Variants in MTMR3 observed in about 807,000 individuals in gnomAD.
MTMR3 encodes the protein phosphatidylinositol-3,5-bisphosphate 3-phosphatase MTMR3.
Under a neutral mutation model 132.4 loss-of-function variants are expected in MTMR3, and 32 were observed. The observed-to-expected ratio is 0.24, with a 90% confidence interval of 0.18 to 0.32. MTMR3 has a LOEUF of 0.32. Ranked by LOEUF, MTMR3 falls within the 10% of genes least tolerant of loss-of-function variation. The pLI is 1.00. For missense variants in MTMR3, 1,216 were observed against 1,489.6 expected (o/e 0.82, Z 3.02); for synonymous variants, 556 against 550.3 (o/e 1.01, Z -0.14).
At chr22:29,969,866 C>CAAATG (rs1419365205) in intron 2 of MTMR3, among the ~76,000 whole-genome samples, 1 of 152,170 alleles carries the variant, frequency 6.6e-6, no homozygotes, top group Non-Finnish European at 1.5e-5. Context: ...TCCTACCATT[C>CAAATG]CTCTGCTCAA....
chr22:29,908,232 G>A (rs1367971939), intron 1 of MTMR3, among the ~76,000 whole-genome samples: 1 of 152,180 alleles, frequency 6.6e-6, no homozygotes, highest in Admixed American at 6.5e-5. Flanking sequence ...GTGACTGAGG[G>A]TAACTCAAGA....
intron 8 of MTMR3, chr22:30,001,584 T>C (rs1324996877): frequency 6.6e-6 from 1 of 152,112 alleles, no homozygotes; most frequent in African/African-American, 2.4e-5. Context: ...AACCAGTCTT[T>C]AGGATGTTAT....
intron 1 of MTMR3, among the ~76,000 whole-genome samples, chr22:29,889,500 T>G (rs2064749986): frequency 6.6e-6 from 1 of 151,974 alleles, no homozygotes; most frequent in Admixed American, 6.6e-5. Flanking sequence ...TTGGCCAGGC[T>G]GGTTTCGAAC....
intron 1 of MTMR3, among the ~76,000 whole-genome samples, chr22:29,893,926 A>G (rs939276781): frequency 6.6e-6 from 1 of 151,874 alleles, no homozygotes; most frequent in Non-Finnish European, 1.5e-5. Context: ...GCTCACTGCA[A>G]CCTCCACCTC....
rs2067599591 is a variant in MTMR3, at chr22:30,016,682, C to T, written c.1658C>T (p.Ser553Phe). 6.2e-7 allele frequency: 1 copy of T among 1,613,414 alleles called. No homozygotes were observed. Among genetic ancestry groups the T allele is most frequent in the Non-Finnish European group, 8.5e-7 (1 of 1,179,590 alleles). ...GNKAFKNLLYSSQSEAVLYPV... is the reference protein window; with the variant it reads ...GNKAFKNLLYFSQSEAVLYPV... ...AAGGCTTTCAAAAACCTACTGTATT[C>T]CTCTCAGTCAGAAGCCGTATGTATC... Residue 553 changes from serine (S) to phenylalanine (F), a missense_variant, in exon 15 of 20, where the codon TCC (serine) becomes TTC (phenylalanine). Physicochemically the swap from Ser to Phe is radical, Grantham distance 155 (BLOSUM62 -2). This residue lies in a region of MTMR3 where 852 missense variants were observed against 852.0 expected (regional missense o/e 1.00). Coordinates refer to ENST00000401950, the MANE Select transcript of MTMR3 (RefSeq NM_021090.4).
intron 2 of MTMR3, among the ~76,000 whole-genome samples, chr22:29,967,251 A>T (rs1602587029): frequency 8.1e-6 from 1 of 123,374 alleles, no homozygotes; most frequent in Non-Finnish European, 1.7e-5. Flanking sequence ...GCGCGCGCGC[A>T]TGTTTTTTAG....
At chr22:29,932,793 T>C (rs1436897414) in intron 1 of MTMR3, among the ~76,000 whole-genome samples, 1 of 152,184 alleles carries the variant, frequency 6.6e-6, no homozygotes, top group African/African-American at 2.4e-5. Context: ...ATAATAGTTA[T>C]AGAAATAATA....
intron 1 of MTMR3, among the ~76,000 whole-genome samples, chr22:29,954,754 T>G (rs1055949268): frequency 6.6e-6 from 1 of 152,358 alleles, no homozygotes; most frequent in East Asian, 1.9e-4. Flanking sequence ...CAATTCATTC[T>G]TGCCCTTCGA....
chr22:29,949,116 CACACACACACACACACACACA>C (rs2066007622), intron 1 of MTMR3, among the ~76,000 whole-genome samples: 1 of 31,012 alleles, frequency 3.2e-5, no homozygotes, highest in African/African-American at 1.8e-4. Flanking sequence ...CACACACACA[CACACACACACACACACACACA>C]CACACACCCC....
intron 13 of MTMR3, 53 bp downstream of exon 13, chr22:30,012,616 G>C: frequency 6.7e-7 from 1 of 1,499,144 alleles, no homozygotes. Context: ...CCAGGGAAAC[G>C]TCTCAGGAGT....
chr22:29,946,261 T>G (rs1337628310), intron 1 of MTMR3, among the ~76,000 whole-genome samples: 1 of 152,038 alleles, frequency 6.6e-6, no homozygotes, highest in Non-Finnish European at 1.5e-5. Flanking sequence ...ATTAAGGAGC[T>G]GTGGTGGGGA....
At chr22:29,995,811 G>A (rs2067049370) in intron 7 of MTMR3, 2 of 152,154 alleles carry the variant, frequency 1.3e-5, no homozygotes, top group African/African-American at 4.8e-5. Flanking sequence ...CTAAGTAAAC[G>A]TGAGTGAACA....
At chr22:29,982,273 T>G (rs1020381825) in intron 5 of MTMR3, 1 of 80,352 alleles carries the variant, frequency 1.2e-5, no homozygotes, top group Non-Finnish European at 2.6e-5. Flanking sequence ...AACTCCTCCA[T>G]AAAAATAAAT....
intron 1 of MTMR3, among the ~76,000 whole-genome samples, chr22:29,900,996 GCT>G (rs1375651892): frequency 6.6e-6 from 1 of 152,100 alleles, no homozygotes; most frequent in African/African-American, 2.4e-5. Flanking sequence ...CTAAGCCTGT[GCT>G]CTTTTTTTGT....
chr22:29,896,496 T>G (rs2064899276), intron 1 of MTMR3, among the ~76,000 whole-genome samples: 1 of 152,138 alleles, frequency 6.6e-6, no homozygotes, highest in Non-Finnish European at 1.5e-5. Context: ...CTCCTCATCT[T>G]CAAGGCTCTC....
Position 29,966,740 on chromosome 22 carries a change from T to TGTGTGC in MTMR3, c.-84-4231_-84-4230insCGTGTG. 3.9e-5 allele frequency among the ~76,000 whole-genome samples: 4 copies of TGTGTGC among 103,824 alleles called. No individual in the cohort carries two copies. The South Asian group carries it at 1.3e-3, about 33-fold the overall frequency. The allele number at this position is 103,824 out of a possible 152,430, so 68.1% of individuals were successfully genotyped here. A position where few individuals can be genotyped will look rare whatever the true frequency, so the allele number is the denominator to read the frequency against. The stretch of plus-strand genomic sequence containing the variant: ...GTAGGGGTGTGCGTGTGTGTGTGTG[T>TGTGTGC]GTGTGTGTGTGTGTGTGTGTGTGTG... On this transcript the variant is annotated intron_variant, in intron 2 of 19. Coordinates refer to ENST00000401950, the MANE Select transcript of MTMR3 (RefSeq NM_021090.4).
intron 1 of MTMR3, among the ~76,000 whole-genome samples, chr22:29,911,186 C>G (rs562058322): frequency 5.9e-5 from 9 of 152,184 alleles, no homozygotes; most frequent in African/African-American, 2.2e-4. Flanking sequence ...GCCTTTGAGG[C>G]CCTGGTCCTG....
chr22:29,961,744 C>T (rs1004386942), intron 2 of MTMR3, among the ~76,000 whole-genome samples: 3 of 152,170 alleles, frequency 2.0e-5, no homozygotes, highest in South Asian at 2.1e-4. Context: ...CATTCACTCA[C>T]TACTCACTGA....
chr22:29,910,293 T>G (rs1041110351), intron 1 of MTMR3, among the ~76,000 whole-genome samples: 1 of 152,148 alleles, frequency 6.6e-6, no homozygotes, highest in Non-Finnish European at 1.5e-5. Flanking sequence ...AAACAGTTTG[T>G]ATGGAACTAG....
Sources: allele counts gnomAD v4.1 joint callset (sites outside exome capture counted in the v4.1 genomes callset), GRCh38; gene constraint gnomAD v4.1.1; regional missense constraint gnomAD v4.1.1; transcripts MANE v1.5; gene names NCBI Gene and HGNC (gene_info 2026-07-23, HGNC 2026-07-21).